Variants in ERO1A observed in about 807,000 individuals in gnomAD.
ERO1A encodes the protein ERO1-like protein alpha.
Under a neutral mutation model 76.9 loss-of-function variants are expected in ERO1A, and 49 were observed. That is an observed-to-expected ratio of 0.64 (90% CI 0.51 to 0.81). The LOEUF (loss-of-function observed/expected upper bound fraction) is 0.81, where lower values mean the gene tolerates loss of function less well. ERO1A is among the 30% of genes least tolerant of loss of function. The probability of loss-of-function intolerance (pLI) is 0.00; values close to 1 mark genes in which losing one functional copy is unlikely to be tolerated. For synonymous variants in ERO1A, 174 were observed against 181.2 expected, an observed-to-expected ratio of 0.96 and a Z score of 0.32; for missense variants, 448 against 542.1, an observed-to-expected ratio of 0.83 and a Z score of 1.72.
At position 52,671,670 on chromosome 14, in the gene ERO1A, G is replaced by A; in HGVS notation, c.468C>T (p.Thr156=). 1 of 1,607,716 alleles carries A rather than the reference G, an allele frequency of 6.2e-7. No homozygotes were observed. Among genetic ancestry groups the A allele is most frequent in the Non-Finnish European group, 8.5e-7 (1 of 1,176,562 alleles). The change falls in exon 6 of 16, where the codon ACC becomes ACT. Residue 156 remains threonine, a synonymous_variant. Coordinates refer to ENST00000395686, the MANE Select transcript of ERO1A (RefSeq NM_014584.3). ...EETQKAVLQW[T]KHDDSSDNFC... ...AGTTATCTGAAGAATCATCATGCTTGGTCCACTGAAGAACAGCCTTCTGTG... is the reference window on the plus strand; with the variant it reads ...AGTTATCTGAAGAATCATCATGCTTAGTCCACTGAAGAACAGCCTTCTGTG...
chr14:52,673,218 T>C (rs570992683), intron 4 of ERO1A, among the ~76,000 whole-genome samples: 25 of 152,178 alleles, frequency 1.6e-4, no homozygotes, highest in African/African-American at 5.5e-4. Flanking sequence ...GTCTCCTGAG[T>C]AGCTAGGACT....
chr14:52,693,879 A>T (rs1376352655), intron 1 of ERO1A, among the ~76,000 whole-genome samples: 1 of 152,226 alleles, frequency 6.6e-6, no homozygotes, highest in African/African-American at 2.4e-5. Context: ...AAGGGGTTTA[A>T]CAGAATTTTA....
At position 52,657,978 on chromosome 14, in the gene ERO1A, T is replaced by G. The variant is rs752896637; in HGVS notation, c.747A>C (p.Arg249Ser). Residue 249 changes from arginine (R) to serine (S), a missense_variant, in exon 11 of 16, where the codon AGA becomes AGC. Around this residue, in one of 2 missense-constraint regions of ERO1A, gnomAD observed 302 missense variants for 411.9 expected, o/e 0.73. Coordinates refer to ENST00000395686, the MANE Select transcript of ERO1A (RefSeq NM_014584.3). ...GLCVEKRAFY[R>S]LISGLHASIN... ...TGCTTGCATGTAGGCCAGATATAAG[T>G]CTGTAGAATGCTCTTTTTTCTACAC... 6.2e-7 allele frequency: 1 copy of G among 1,612,096 alleles called. No individual in the cohort carries two copies.
Position 52,653,197 on chromosome 14 carries a change from T to C in ERO1A, c.927A>G (p.Leu309=). ...RRLKNLYFLY[L]IELRALSKVL... ...CTTTGGATAAAGCCCTTAGTTCTAT[T>C]AAGTAGAGAAAATACAAGTTCTTAA... The change falls in exon 12 of 16, where the codon TTA becomes TTG. Residue 309 remains leucine (L), a synonymous_variant. Transcript: ENST00000395686. The C allele has an allele frequency of 6.2e-7, 1 of 1,613,446 alleles. No homozygotes were observed. The highest frequency in any genetic ancestry group is 8.5e-7 in the Non-Finnish European group (1 of 1,179,612).
chr14:52,657,285 G>A (rs897430492), intron 11 of ERO1A, among the ~76,000 whole-genome samples: 3 of 152,210 alleles, frequency 2.0e-5, no homozygotes, highest in African/African-American at 7.2e-5. Context: ...TTCATGAGGA[G>A]AGGTTCAAAC....
intron 3 of ERO1A, among the ~76,000 whole-genome samples, chr14:52,678,940 G>C (rs2040895501): frequency 6.6e-6 from 1 of 152,064 alleles, no homozygotes; most frequent in African/African-American, 2.4e-5. Context: ...CCATCTCTGA[G>C]GTAATGAATT....
chr14:52,658,088 A>G, intron 10 of ERO1A, 36 bp downstream of exon 10: 1 of 1,507,116 alleles, frequency 6.6e-7, no homozygotes, highest in Non-Finnish European at 9.1e-7. Flanking sequence ...TGAGAAAAAA[A>G]CCATCATTGA....
intron 9 of ERO1A, among the ~76,000 whole-genome samples, chr14:52,659,050 T>G (rs2040144626): frequency 6.6e-6 from 1 of 152,016 alleles, no homozygotes; most frequent in African/African-American, 2.4e-5. Flanking sequence ...ACTCAAAACA[T>G]CTATTTGTCA....
chr14:52,651,732 G>C (rs898917822), intron 13 of ERO1A, among the ~76,000 whole-genome samples: 2 of 152,058 alleles, frequency 1.3e-5, no homozygotes, highest in African/African-American at 4.8e-5. Flanking sequence ...TTTACAATAT[G>C]AAGTGATTAA....
At chr14:52,651,106 C>CAAA (rs5808681) in intron 13 of ERO1A, among the ~76,000 whole-genome samples, 1 of 102,364 alleles carries the variant, frequency 9.8e-6, no homozygotes, top group Non-Finnish European at 2.0e-5. Flanking sequence ...CTGTTTCTAC[C>CAAA]AAAAAAAAAA....
At chr14:52,678,530 T>A in intron 3 of ERO1A, 58 bp from the exon 4 acceptor site, 1 of 1,415,432 alleles carries the variant, frequency 7.1e-7, no homozygotes, top group Admixed American at 1.9e-5. Context: ...TTAAAACATA[T>A]CTTAAATTTC....
At chr14:52,684,150 CAG>C (rs797002566) in intron 1 of ERO1A, among the ~76,000 whole-genome samples, 50,763 of 138,744 alleles carry the variant, frequency 0.37, 9,229 homozygotes, top group Middle Eastern at 0.47. Context: ...CACACACACA[CAG>C]AGAGAGTTGG....
chr14:52,649,934 T>C (rs2039798486), intron 13 of ERO1A, among the ~76,000 whole-genome samples: 1 of 152,160 alleles, frequency 6.6e-6, no homozygotes, highest in Non-Finnish European at 1.5e-5. Context: ...GAAATCAGGC[T>C]GGGTATGGTG....
intron 13 of ERO1A, among the ~76,000 whole-genome samples, chr14:52,647,326 A>G (rs1246951861): frequency 6.6e-6 from 1 of 151,286 alleles, no homozygotes; most frequent in Non-Finnish European, 1.5e-5. Context: ...ATTCAACCAC[A>G]GCCCTTCTTT....
intron 15 of ERO1A, among the ~76,000 whole-genome samples, chr14:52,644,969 T>A (rs1315349762): frequency 6.6e-6 from 1 of 152,224 alleles, no homozygotes; most frequent in African/African-American, 2.4e-5. Context: ...TTAATTTTTA[T>A]AAATCTCAGC....
intron 15 of ERO1A, among the ~76,000 whole-genome samples, chr14:52,644,664 A>T (rs1375377488): frequency 6.6e-6 from 1 of 152,186 alleles, no homozygotes; most frequent in Non-Finnish European, 1.5e-5. Context: ...AAGTATATGA[A>T]TACTTAAAAT....
rs904117130 is a variant in ERO1A at position 52,663,551 on chromosome 14, A to G, written c.676+250T>C. Among the ~76,000 whole-genome samples the G allele has an allele frequency of 1.4e-3, 217 of 151,362 alleles. 2 individuals carry two copies. The highest frequency in any genetic ancestry group is 5.1e-3 in the African/African-American group (208 of 41,044). On this transcript the variant is annotated intron_variant, in intron 8 of 15. Coordinates refer to ENST00000395686, the MANE Select transcript of ERO1A (RefSeq NM_014584.3). ...GGAGGCGAAGTTTGCAGTGAGCCAA[A>G]GTCACGCCACTGCACTCCAGCCTGG...
chr14:52,663,760 C>T, intron 8 of ERO1A, 41 bp downstream of exon 8: 1 of 1,245,882 alleles, frequency 8.0e-7, no homozygotes, highest in Non-Finnish European at 1.2e-6. Flanking sequence ...TTAAAGTTCC[C>T]TGGCTGAGAA....
intron 8 of ERO1A, among the ~76,000 whole-genome samples, chr14:52,661,946 T>C (rs2040247255): frequency 6.6e-6 from 1 of 152,002 alleles, no homozygotes; most frequent in Non-Finnish European, 1.5e-5. Flanking sequence ...TAAAAAATTA[T>C]TCATAATTCC....
Sources: allele counts gnomAD v4.1 joint callset (sites outside exome capture counted in the v4.1 genomes callset), GRCh38; gene constraint gnomAD v4.1.1; regional missense constraint gnomAD v4.1.1; transcripts MANE v1.5; gene names NCBI Gene and HGNC (gene_info 2026-07-23, HGNC 2026-07-21).